Variants in BRCC3 observed in about 807,000 individuals in gnomAD.
BRCC3 encodes BRCA1/BRCA2-containing complex subunit 3.
Under a neutral mutation model 28.0 loss-of-function variants are expected in BRCC3, and 15 were observed. The observed-to-expected ratio is 0.54, with a 90% CI of 0.36 to 0.82. The LOEUF is 0.82. BRCC3 is among the 40% of genes least tolerant of loss of function. The pLI is 0.01. For synonymous variants in BRCC3, 66 were observed against 80.3 expected (o/e 0.82, Z 0.95); for missense variants, 109 against 225.9 (o/e 0.48, Z 3.32).
At chrX:155,114,851 GA>G (rs1381680355) in intron 7 of BRCC3, among the ~76,000 whole-genome samples, 3 of 111,846 alleles carry the variant, frequency 2.7e-5, no homozygotes, top group African/African-American at 9.7e-5. Flanking sequence ...AATGCCTAAA[GA>G]GATAATGGCT....
chrX:155,111,876 G>A (rs2074324217), intron 7 of BRCC3, among the ~76,000 whole-genome samples: 2 of 111,647 alleles, frequency 1.8e-5, no homozygotes, highest in South Asian at 7.5e-4. Context: ...CCTTATCTTT[G>A]GGGAATATGT....
chrX:155,086,895 T>C (rs1569560490), intron 5 of BRCC3, among the ~76,000 whole-genome samples: 1 of 111,790 alleles, frequency 8.9e-6, no homozygotes, highest in East Asian at 2.8e-4. Flanking sequence ...ATCTCATACC[T>C]CTGTTGGAGG....
At chrX:155,119,884 C>G (rs1444756137) in intron 9 of BRCC3, 115 bp from the exon 10 acceptor site, 14 of 608,547 alleles carry the variant, frequency 2.3e-5, no homozygotes, top group Non-Finnish European at 3.5e-5. Flanking sequence ...CTACTTCCTT[C>G]TCCAACCCCT....
chrX:155,078,943 G>A (rs901208004), intron 5 of BRCC3: 1 of 333,827 alleles, frequency 3.0e-6, no homozygotes, highest in Non-Finnish European at 5.2e-6. Context: ...GCTGATTGCT[G>A]AATATCATTA....
chrX:155,072,648 G>A (rs1018152027), intron 2 of BRCC3, among the ~76,000 whole-genome samples: 29 of 111,106 alleles, frequency 2.6e-4, no homozygotes, highest in Non-Finnish European at 4.9e-4. Flanking sequence ...TGCAACCTCC[G>A]CCTCCCAGGT....
intron 5 of BRCC3, among the ~76,000 whole-genome samples, chrX:155,081,085 C>A (rs1193766935): frequency 3.6e-5 from 4 of 111,755 alleles, no homozygotes; most frequent in African/African-American, 1.3e-4. Context: ...AATCCCAGCA[C>A]TTTGGCAGGA....
At chrX:155,115,710 C>G (rs1019996653) in intron 7 of BRCC3, among the ~76,000 whole-genome samples, 1 of 111,867 alleles carries the variant, frequency 8.9e-6, no homozygotes, top group African/African-American at 3.3e-5. Context: ...TTTGTTCAAC[C>G]TCACTGGCAA....
At position 155,122,582 on chromosome X, in the gene BRCC3, C is replaced by G. The variant is rs1301732953; in HGVS notation, c.*1378C>G. The stretch of plus-strand genomic sequence containing the variant: ...TCATAGGAGCTTTATTTGTAATAGC[C>G]CCAAACTGGAAACAACCCAGATGTC... On this transcript the variant is annotated 3_prime_UTR_variant, in exon 11 of 11. Transcript: ENST00000330045. The G allele has an allele frequency of 9.0e-6, 1 of 111,324 alleles. No individual in the cohort carries two copies. Among genetic ancestry groups the G allele is most frequent in the African/African-American group, 3.3e-5 (1 of 30,572 alleles). The allele number at this position is 111,324 out of a possible 1,213,427, so 9.2% of individuals were successfully genotyped here.
intron 7 of BRCC3, among the ~76,000 whole-genome samples, chrX:155,101,040 T>C (rs1557296829): frequency 9.0e-6 from 1 of 110,583 alleles, no homozygotes; most frequent in Non-Finnish European, 1.9e-5. Context: ...ACTACAGGCA[T>C]GTGCCACCAG....
chrX:155,117,378 G>C (rs2074363490), intron 9 of BRCC3, among the ~76,000 whole-genome samples: 1 of 111,965 alleles, frequency 8.9e-6, no homozygotes, highest in Non-Finnish European at 1.9e-5. Context: ...TAATTCACTT[G>C]TCCCTAACAT....
chrX:155,110,096 T>C (rs1276542954), intron 7 of BRCC3, among the ~76,000 whole-genome samples: 6 of 111,925 alleles, frequency 5.4e-5, no homozygotes, highest in African/African-American at 1.9e-4. Context: ...ATTATCTCTT[T>C]AGTGTATTCA....
intron 7 of BRCC3, among the ~76,000 whole-genome samples, chrX:155,110,727 A>G (rs1436559234): frequency 9.1e-6 from 1 of 110,385 alleles, no homozygotes; most frequent in African/African-American, 3.3e-5. Flanking sequence ...TACCCTTGTG[A>G]TTTACTTTGA....
intron 5 of BRCC3, among the ~76,000 whole-genome samples, chrX:155,086,425 A>G (rs2074129285): frequency 9.0e-6 from 1 of 111,270 alleles, no homozygotes; most frequent in Admixed American, 9.5e-5. Context: ...CTCTCAGGTA[A>G]CTGCAACCGC....
intron 7 of BRCC3, among the ~76,000 whole-genome samples, chrX:155,103,648 G>C (rs1557297118): frequency 9.0e-6 from 1 of 111,173 alleles, no homozygotes; most frequent in Non-Finnish European, 1.9e-5. Context: ...CTGTGCTTGG[G>C]TTTCATTGAG....
intron 1 of BRCC3, 35 bp from the exon 2 acceptor site, chrX:155,072,292 T>C: frequency 1.7e-6 from 2 of 1,173,426 alleles, no homozygotes. Context: ...AAACGTAATG[T>C]GATCAATAAT....
chrX:155,115,964 T>C, intron 7 of BRCC3, 93 bp from the exon 8 acceptor site: 2 of 861,678 alleles, frequency 2.3e-6, no homozygotes, highest in South Asian at 2.5e-5. Flanking sequence ...CTTTAAAGTA[T>C]GCCATATCCC....
chrX:155,075,254 GTC>G lies in BRCC3; in HGVS notation c.195+1824_195+1825del, dbSNP rs1569560399. 1.0e-3 allele frequency among the ~76,000 whole-genome samples: 54 copies of G among 52,733 alleles called. No individual in the cohort carries two copies. In the African/African-American group the frequency reaches 0.024, roughly 24 times the overall value. 45.8% of individuals were successfully genotyped at this position (52,733 alleles called of 115,157 possible). On this transcript the variant is annotated intron_variant, in intron 3 of 10. Coordinates refer to ENST00000330045, the MANE Select transcript of BRCC3 (RefSeq NM_001018055.3). ...AAGCCTTCTCTCAGATTTCACCCTT[GTC>G]CCTTCAACATCTGATAATGCTAAGC...
intron 7 of BRCC3, among the ~76,000 whole-genome samples, chrX:155,104,414 G>C (rs1049362139): frequency 5.4e-5 from 6 of 112,084 alleles, no homozygotes; most frequent in Admixed American, 3.8e-4. Context: ...TTTAATATAA[G>C]GTTCATTTTT....
At chrX:155,118,427 C>T (rs1337219281) in intron 9 of BRCC3, among the ~76,000 whole-genome samples, 2 of 111,257 alleles carry the variant, frequency 1.8e-5, no homozygotes, top group Admixed American at 9.5e-5. Context: ...AAGGGAACTG[C>T]GGAGGGTATT....
Sources: gnomAD v4.1 joint callset for allele counts (sites outside exome capture counted in the v4.1 genomes callset) on GRCh38, gnomAD v4.1.1 for gene constraint, MANE v1.5 for transcripts, NCBI Gene and HGNC (gene_info 2026-07-23, HGNC 2026-07-21) for gene names.